Variants in SPOCK1 observed in about 807,000 individuals in gnomAD.
SPOCK1 encodes the protein SPARC (osteonectin), cwcv and kazal like domains proteoglycan 1, also known as testican-1.
In SPOCK1, 23 loss-of-function variants were observed where a neutral mutation model predicts 55.3. The ratio of observed to expected loss-of-function variants is 0.42; its 90% confidence interval spans 0.30 to 0.59. SPOCK1 has a LOEUF of 0.59. Ranked by LOEUF, SPOCK1 falls within the 20% of genes least tolerant of loss-of-function variation. The pLI is 0.22. For missense variants in SPOCK1, 499 were observed against 552.5 expected (o/e 0.90, Z 0.97); for synonymous variants, 226 against 221.0 (o/e 1.02, Z -0.20).
intron 2 of SPOCK1, among the ~76,000 whole-genome samples, chr5:137,388,131 G>T (rs1371634236): frequency 5.3e-5 from 8 of 151,658 alleles, no homozygotes; most frequent in African/African-American, 2.0e-4. Flanking sequence ...AAAACAATTT[G>T]TCAGATGGCA....
At chr5:137,464,735 G>A (rs1410228472) in intron 2 of SPOCK1, among the ~76,000 whole-genome samples, 1 of 152,202 alleles carries the variant, frequency 6.6e-6, no homozygotes, top group Admixed American at 6.5e-5. Flanking sequence ...TGACTGTGGG[G>A]TGACAAGGTG....
intron 3 of SPOCK1, among the ~76,000 whole-genome samples, chr5:137,247,895 G>C (rs1294169744): frequency 6.6e-6 from 1 of 152,166 alleles, no homozygotes; most frequent in Non-Finnish European, 1.5e-5. Context: ...AAAGCACCAA[G>C]ATATTCACGA....
intron 2 of SPOCK1, among the ~76,000 whole-genome samples, chr5:137,452,710 C>A (rs2079879171): frequency 6.6e-6 from 1 of 152,200 alleles, no homozygotes; most frequent in South Asian, 2.1e-4. Flanking sequence ...TTATTACTTG[C>A]ATTTCAAATG....
intron 6 of SPOCK1, among the ~76,000 whole-genome samples, chr5:137,056,183 G>A (rs1447705145): frequency 6.6e-6 from 1 of 152,158 alleles, no homozygotes; most frequent in Non-Finnish European, 1.5e-5. Flanking sequence ...GACCCTGGTG[G>A]ACAAGACAGG....
chr5:137,061,793 C>A (rs1452550925), intron 6 of SPOCK1, among the ~76,000 whole-genome samples: 1 of 152,146 alleles, frequency 6.6e-6, no homozygotes, highest in African/African-American at 2.4e-5. Flanking sequence ...CTAAACCTTG[C>A]TGGTTTGGGA....
intron 2 of SPOCK1, among the ~76,000 whole-genome samples, chr5:137,408,752 C>T (rs1752151248): frequency 6.6e-6 from 1 of 152,140 alleles, no homozygotes. Flanking sequence ...CCACCAACAG[C>T]CAATTCCCCC....
At chr5:137,341,043 C>G (rs528010931) in intron 2 of SPOCK1, among the ~76,000 whole-genome samples, 31 of 152,356 alleles carry the variant, frequency 2.0e-4, no homozygotes, top group African/African-American at 6.7e-4. Flanking sequence ...CCTGATCCCT[C>G]TGGCACTCCA....
chr5:137,134,070 C>T (rs1157261199), intron 4 of SPOCK1, among the ~76,000 whole-genome samples: 2 of 152,134 alleles, frequency 1.3e-5, no homozygotes, highest in African/African-American at 2.4e-5. Flanking sequence ...AGGCAACAGG[C>T]ATGGACTCTG....
intron 4 of SPOCK1, among the ~76,000 whole-genome samples, chr5:137,131,348 G>A (rs1042589369): frequency 6.4e-4 from 97 of 152,350 alleles, no homozygotes; most frequent in African/African-American, 2.3e-3. Flanking sequence ...GGCGGCTCAC[G>A]CCTGTAATCC....
intron 4 of SPOCK1, among the ~76,000 whole-genome samples, chr5:137,128,438 T>C (rs1333355711): frequency 6.6e-6 from 1 of 152,230 alleles, no homozygotes; most frequent in Non-Finnish European, 1.5e-5. Flanking sequence ...CATCTGATTG[T>C]TCCCTGAGGA....
intron 3 of SPOCK1, among the ~76,000 whole-genome samples, chr5:137,165,525 T>G (rs1295448413): frequency 6.6e-6 from 1 of 152,102 alleles, no homozygotes; most frequent in African/African-American, 2.4e-5. Flanking sequence ...ACATCTACAA[T>G]TATCATGATG....
At chr5:137,057,608 G>C (rs1752324785) in intron 6 of SPOCK1, among the ~76,000 whole-genome samples, 1 of 152,042 alleles carries the variant, frequency 6.6e-6, no homozygotes, top group South Asian at 2.1e-4. Context: ...GAGCTCATTT[G>C]ATTCTTACTA....
At chr5:137,494,375 G>A (rs1299102067) in intron 2 of SPOCK1, among the ~76,000 whole-genome samples, 1 of 152,158 alleles carries the variant, frequency 6.6e-6, no homozygotes, top group African/African-American at 2.4e-5. Flanking sequence ...CTGATTGGCT[G>A]TGGTACAGAG....
chr5:137,121,639 A>G (rs1414234020), intron 4 of SPOCK1, among the ~76,000 whole-genome samples: 1 of 146,958 alleles, frequency 6.8e-6, no homozygotes, highest in African/African-American at 2.5e-5. Context: ...TTTATTACAT[A>G]TAGTGACATT....
chr5:137,445,417 A>G (rs1477211113), intron 2 of SPOCK1, among the ~76,000 whole-genome samples: 1 of 152,232 alleles, frequency 6.6e-6, no homozygotes, highest in East Asian at 1.9e-4. Flanking sequence ...GATTGAGAAG[A>G]GAAAAAAAAT....
At chr5:137,042,095 A>G (rs188949443) in intron 6 of SPOCK1, among the ~76,000 whole-genome samples, 9 of 152,218 alleles carry the variant, frequency 5.9e-5, no homozygotes, top group South Asian at 2.1e-4. Context: ...TGAAACATCC[A>G]TACAATGGAC....
intron 2 of SPOCK1, among the ~76,000 whole-genome samples, chr5:137,392,338 C>A (rs1751741791): frequency 6.6e-6 from 1 of 152,212 alleles, no homozygotes; most frequent in African/African-American, 2.4e-5. Context: ...CCAACGCCAG[C>A]CCACAACTTG....
At chr5:137,005,224 G>A (rs753153186) in intron 6 of SPOCK1, among the ~76,000 whole-genome samples, 43 of 152,158 alleles carry the variant, frequency 2.8e-4, no homozygotes, top group Non-Finnish European at 5.4e-4. Flanking sequence ...TGCCTTTGGA[G>A]TGTGAATCTA....
intron 2 of SPOCK1, among the ~76,000 whole-genome samples, chr5:137,395,021 G>A (rs1480239355): frequency 6.6e-6 from 1 of 152,210 alleles, no homozygotes; most frequent in Non-Finnish European, 1.5e-5. Context: ...ATTGGTGCAT[G>A]GTGGCCAATG....
Sources: gnomAD v4.1 joint callset for allele counts (sites outside exome capture counted in the v4.1 genomes callset) on GRCh38, gnomAD v4.1.1 for gene constraint, MANE v1.5 for transcripts, NCBI Gene and HGNC (gene_info 2026-07-23, HGNC 2026-07-21) for gene names.